The following VTI1A variants were observed in gnomAD, a reference collection of about 807,000 sequenced individuals.
VTI1A encodes vesicle transport through interaction with t-SNAREs 1A.
VTI1A carries 22 observed loss-of-function variants against 34.9 expected under a neutral mutation model. The observed-to-expected ratio is 0.63, with a 90% CI of 0.45 to 0.90. The LOEUF (loss-of-function observed/expected upper bound fraction) is 0.90. Ranked by LOEUF, VTI1A falls within the 40% of genes least tolerant of loss-of-function variation. The probability of loss-of-function intolerance (pLI) is 0.00; values close to 1 mark genes in which losing one functional copy is unlikely to be tolerated. For synonymous variants in VTI1A, 87 were observed against 97.3 expected (o/e 0.89, Z 0.62); for missense variants, 268 against 275.6 (o/e 0.97, Z 0.20).
intron 3 of VTI1A, among the ~76,000 whole-genome samples, chr10:112,490,941 AC>A (rs937015450): frequency 4.6e-5 from 7 of 151,706 alleles, no homozygotes; most frequent in Non-Finnish European, 1.0e-4. Context: ...TTGTGTTTCA[AC>A]CCCCCTGCCC....
intron 5 of VTI1A, among the ~76,000 whole-genome samples, chr10:112,604,702 G>T (rs1845009855): frequency 6.6e-6 from 1 of 152,134 alleles, no homozygotes; most frequent in African/African-American, 2.4e-5. Context: ...TAAATGAGGA[G>T]AAAATACTAT....
chr10:112,736,712 A>C, intron 7 of VTI1A: 1 of 1,551,780 alleles, frequency 6.4e-7, no homozygotes, highest in Middle Eastern at 1.7e-4. Flanking sequence ...ATTTCTCTTC[A>C]CTGTTCACAG....
the VTI1A span, among the ~76,000 whole-genome samples, chr10:112,836,148 C>T: frequency 4.4e-4 from 67 of 152,302 alleles, no homozygotes; most frequent in Middle Eastern, 0.01. Flanking sequence ...ACAGCCGAGG[C>T]GGCAGTCACC....
At chr10:112,541,502 T>C (rs1032341774) in intron 5 of VTI1A, among the ~76,000 whole-genome samples, 2 of 152,178 alleles carry the variant, frequency 1.3e-5, no homozygotes, top group Non-Finnish European at 2.9e-5. Flanking sequence ...TTGAGAATCA[T>C]TGGCAAAGAT....
At chr10:112,680,694 T>G (rs1048058272) in intron 7 of VTI1A, among the ~76,000 whole-genome samples, 2 of 152,200 alleles carry the variant, frequency 1.3e-5, no homozygotes, top group South Asian at 2.1e-4. Context: ...TGCTACATAG[T>G]AAGTGAGAGA....
chr10:112,561,794 T>C (rs1056693531), intron 5 of VTI1A, among the ~76,000 whole-genome samples: 1 of 152,182 alleles, frequency 6.6e-6, no homozygotes, highest in Non-Finnish European at 1.5e-5. Flanking sequence ...AAAGAGACTT[T>C]AGGGAGACTC....
At chr10:112,614,647 G>A (rs558561627) in intron 5 of VTI1A, among the ~76,000 whole-genome samples, 19 of 152,328 alleles carry the variant, frequency 1.2e-4, no homozygotes, top group Non-Finnish European at 1.5e-4. Flanking sequence ...GGTAGACACT[G>A]AGACAGTTGG....
At chr10:112,766,613 A>T (rs1851653781) in intron 7 of VTI1A, among the ~76,000 whole-genome samples, 1 of 147,970 alleles carries the variant, frequency 6.8e-6, no homozygotes, top group Admixed American at 6.7e-5. Flanking sequence ...AGAGAAAAAT[A>T]CTTGCTTCAG....
chr10:112,795,346 G>T (rs185517891), intron 7 of VTI1A, among the ~76,000 whole-genome samples: 336 of 151,844 alleles, frequency 2.2e-3, no homozygotes, highest in Non-Finnish European at 3.4e-3. Flanking sequence ...TTGAGTGAAG[G>T]ACTTAGGATA....
chr10:112,600,363 T>C, intron 5 of VTI1A, among the ~76,000 whole-genome samples: 1 of 152,214 alleles, frequency 6.6e-6, no homozygotes, highest in Non-Finnish European at 1.5e-5. Context: ...TAGCATAAAA[T>C]CTCGTCTTTA....
intron 5 of VTI1A, among the ~76,000 whole-genome samples, chr10:112,590,943 A>G (rs1203497617): frequency 2.0e-5 from 3 of 151,858 alleles, no homozygotes; most frequent in African/African-American, 4.8e-5. Flanking sequence ...TGTACAAAAC[A>G]TACAAAAATT....
At chr10:112,710,380 T>A (rs1350833929) in intron 7 of VTI1A, among the ~76,000 whole-genome samples, 3 of 151,970 alleles carry the variant, frequency 2.0e-5, no homozygotes, top group African/African-American at 4.8e-5. Context: ...CTAACTTTTG[T>A]ATTTTTAGTA....
At chr10:112,596,079 G>A (rs550620410) in intron 5 of VTI1A, among the ~76,000 whole-genome samples, 11,943 of 146,874 alleles carry the variant, frequency 0.081, 550 homozygotes, top group Non-Finnish European at 0.095. Context: ...ACCAAACACT[G>A]CATTTTCTCA....
At chr10:112,821,547 GA>G (rs1045738081), downstream of VTI1A, among the ~76,000 whole-genome samples, 2 of 152,186 alleles carry the variant, frequency 1.3e-5, no homozygotes, top group African/African-American at 4.8e-5. Flanking sequence ...TTTCTCCCCA[GA>G]ATGTTCTGCC....
At chr10:112,560,970 C>T (rs1392330677) in intron 5 of VTI1A, among the ~76,000 whole-genome samples, 1 of 151,992 alleles carries the variant, frequency 6.6e-6, no homozygotes, top group East Asian at 1.9e-4. Flanking sequence ...CCATCCCAGA[C>T]CACTTTTAAG....
At chr10:112,593,052 A>T (rs1384029808) in intron 5 of VTI1A, among the ~76,000 whole-genome samples, 1 of 152,246 alleles carries the variant, frequency 6.6e-6, no homozygotes, top group Non-Finnish European at 1.5e-5. Flanking sequence ...AACTAGATGC[A>T]GTCATCTTAT....
At chr10:112,690,298 A>C (rs1848570084) in intron 7 of VTI1A, among the ~76,000 whole-genome samples, 1 of 152,194 alleles carries the variant, frequency 6.6e-6, no homozygotes, top group Non-Finnish European at 1.5e-5. Flanking sequence ...TTGATGGGTC[A>C]TATGGTAAGT....
the VTI1A span, chr10:112,827,196 C>A: frequency 2.0e-5 from 3 of 152,258 alleles, no homozygotes; most frequent in Admixed American, 2.0e-4. Flanking sequence ...TACATAGTCA[C>A]ATTAAACTGA....
At chr10:112,697,424 T>C (rs1203459835) in intron 7 of VTI1A, among the ~76,000 whole-genome samples, 1 of 139,644 alleles carries the variant, frequency 7.2e-6, no homozygotes, top group Non-Finnish European at 1.5e-5. Context: ...TTTGAGAGAG[T>C]GTTTAGCTCT....
Sources: gnomAD v4.1 joint callset for allele counts (sites outside exome capture counted in the v4.1 genomes callset) on GRCh38, gnomAD v4.1.1 for gene constraint, MANE v1.5 for transcripts, NCBI Gene and HGNC (gene_info 2026-07-23, HGNC 2026-07-21) for gene names.